Variants in ACSBG2 observed in about 807,000 individuals in gnomAD.
The protein encoded by ACSBG2 is long-chain-fatty-acid--CoA ligase ACSBG2.
In ACSBG2, 62 loss-of-function variants were observed where a neutral mutation model predicts 74.7. That is an observed-to-expected ratio of 0.83 (90% CI 0.68 to 1.03). The LOEUF is 1.03. ACSBG2 is among the 50% of genes least tolerant of loss of function. ACSBG2 has a pLI of 0.00. For synonymous variants in ACSBG2, 309 were observed against 294.1 expected (o/e 1.05, Z -0.52); for missense variants, 730 against 817.6 (o/e 0.89, Z 1.31).
At chr19:6,172,594 T>C (rs945269072) in intron 7 of ACSBG2, among the ~76,000 whole-genome samples, 5 of 152,192 alleles carry the variant, frequency 3.3e-5, no homozygotes, top group Non-Finnish European at 1.5e-5. Flanking sequence ...ATGCAGTGGC[T>C]TTCTCAGATG....
chr19:6,181,751 C>G lies in ACSBG2; in HGVS notation c.907-1000C>G, dbSNP rs142149099. On this transcript the variant is annotated intron_variant, in intron 8 of 14. Coordinates refer to ENST00000588485, the MANE Select transcript of ACSBG2 (RefSeq NM_030924.5). The stretch of plus-strand genomic sequence containing the variant: ...GTTTGGTGAGAAATAAGGCTCTAAC[C>G]CTAAATTTTGTGGAAGCGTTTGTTT... Among the ~76,000 whole-genome samples, 1,316 of 150,716 alleles carry G rather than the reference C, an allele frequency of 8.7e-3. 72 individuals carry two copies. Among genetic ancestry groups the G allele is most frequent in the Admixed American group, 0.082 (1,215 of 14,894 alleles).
intron 3 of ACSBG2, among the ~76,000 whole-genome samples, chr19:6,148,711 T>C (rs1346741118): frequency 1.3e-5 from 2 of 151,906 alleles, no homozygotes; most frequent in Admixed American, 1.3e-4. Flanking sequence ...CCCACCTTCA[T>C]ACTATGTTGC....
chr19:6,137,189 G>A (rs1399907207), intron 1 of ACSBG2: 1 of 144,066 alleles, frequency 6.9e-6, no homozygotes, highest in East Asian at 2.0e-4. Flanking sequence ...CAGCACTTTG[G>A]GAGGCCGAGG....
intron 6 of ACSBG2, among the ~76,000 whole-genome samples, chr19:6,164,416 T>C (rs2089730119): frequency 6.6e-6 from 1 of 150,782 alleles, no homozygotes; most frequent in African/African-American, 2.4e-5. Flanking sequence ...TGGCCATCTG[T>C]AGAGGACTTT....
chr19:6,139,557 A>G (rs1269545624), intron 1 of ACSBG2, among the ~76,000 whole-genome samples: 1 of 152,230 alleles, frequency 6.6e-6, no homozygotes, highest in African/African-American at 2.4e-5. Context: ...GGAAACTTTT[A>G]GAGTTCATAA....
At chr19:6,189,146 T>C (rs1457199827) in intron 13 of ACSBG2, among the ~76,000 whole-genome samples, 3 of 152,108 alleles carry the variant, frequency 2.0e-5, no homozygotes, top group Non-Finnish European at 4.4e-5. Flanking sequence ...TCTTCTCTGA[T>C]TAATATTATA....
chr19:6,178,845 G>A (rs574675049), intron 8 of ACSBG2, among the ~76,000 whole-genome samples: 7 of 151,974 alleles, frequency 4.6e-5, no homozygotes, highest in African/African-American at 1.5e-4. Flanking sequence ...AGGATAGGCT[G>A]GGGGAAAAAA....
At chr19:6,158,417 G>A (rs1204253510) in intron 5 of ACSBG2, among the ~76,000 whole-genome samples, 1 of 149,902 alleles carries the variant, frequency 6.7e-6, no homozygotes, top group Non-Finnish European at 1.5e-5. Flanking sequence ...TTTGTGTACA[G>A]TGAAATTTAG....
chr19:6,167,913 C>T (rs1185081578), intron 7 of ACSBG2, among the ~76,000 whole-genome samples: 1 of 152,112 alleles, frequency 6.6e-6, no homozygotes, highest in Admixed American at 6.5e-5. Flanking sequence ...TCATCGCTCC[C>T]CTGGACCTGT....
intron 8 of ACSBG2, among the ~76,000 whole-genome samples, chr19:6,178,224 C>T (rs1437306646): frequency 2.6e-5 from 4 of 151,948 alleles, no homozygotes; most frequent in Non-Finnish European, 4.4e-5. Flanking sequence ...CATATGATTC[C>T]ACTTCCTGCT....
Position 6,141,601 on chromosome 19 carries a change from A to G in ACSBG2, c.58A>G (p.Lys20Glu), listed in dbSNP as rs752638387. 1.9e-6 allele frequency: 3 copies of G among 1,600,502 alleles called. No individual in the cohort carries two copies. The highest frequency in any genetic ancestry group is 2.6e-6 in the Non-Finnish European group (3 of 1,167,540). Residue 20 changes from lysine to glutamate, a missense_variant, in exon 2 of 15, where the codon AAA becomes GAA. Lys to Glu is a moderately conservative substitution (Grantham distance 56). Coordinates refer to ENST00000588485, the MANE Select transcript of ACSBG2 (RefSeq NM_030924.5). Reference protein sequence around the residue: ...GAKDLEVDMNKTEVTPRLWTT... With the variant: ...GAKDLEVDMNETEVTPRLWTT... ...TAAAGATCTTGAAGTAGACATGAAT[A>G]AAACAGAAGGTATATTGCACTAAAG... is the stretch of plus-strand genomic sequence containing the variant.
chr19:6,182,740 G>A lies in ACSBG2; in HGVS notation c.907-11G>A, dbSNP rs759549699. On this transcript the variant is annotated splice_polypyrimidine_tract_variant and intron_variant, in intron 8 of 14. Coordinates refer to ENST00000588485, the MANE Select transcript of ACSBG2 (RefSeq NM_030924.5). ...GCCCTGCTGTGGCTAACCTAGCTTCGTTCCATACAGGGCACCTTGGTAAGT... is the reference window on the plus strand; with the variant it reads ...GCCCTGCTGTGGCTAACCTAGCTTCATTCCATACAGGGCACCTTGGTAAGT... 2.5e-5 allele frequency: 41 copies of A among 1,612,804 alleles called. No individual in the cohort carries two copies. Among genetic ancestry groups the A allele is most frequent in the East Asian group, 4.5e-5 (2 of 44,874 alleles).
chr19:6,135,956 T>G (rs2144960060), intron 1 of ACSBG2, 47 bp downstream of exon 1: 1 of 152,680 alleles, frequency 6.5e-6, no homozygotes, highest in Non-Finnish European at 1.5e-5. Context: ...TTCTTTTTTT[T>G]TTGAGACAGG....
At chr19:6,150,314 C>A in intron 3 of ACSBG2, among the ~76,000 whole-genome samples, 1 of 135,024 alleles carries the variant, frequency 7.4e-6, no homozygotes, top group African/African-American at 2.8e-5. Context: ...CCATATGATT[C>A]AGCAGTCTCA....
At position 6,182,846 on chromosome 19, in the gene ACSBG2, T is replaced by C. The variant is rs1456819834; in HGVS notation, c.1002T>C (p.Asn334=). 49 of 1,613,964 alleles carry C rather than the reference T, an allele frequency of 3.0e-5. 1 individual carries two copies. Among genetic ancestry groups the C allele is most frequent in the Non-Finnish European group, 3.8e-5 (45 of 1,180,006 alleles). The change falls in exon 9 of 15, where the codon AAT becomes AAC. Residue 334 remains asparagine, a synonymous_variant. Transcript: ENST00000588485. The part of the protein sequence containing the change: ...WEKIHEMVKK[N]SAKSMGLKKK... Reference sequence around the variant, plus strand: ...AGATACATGAGATGGTGAAGAAAAATAGTGCCAAGTCCATGGGCTTGAAGA... The same window carrying C: ...AGATACATGAGATGGTGAAGAAAAACAGTGCCAAGTCCATGGGCTTGAAGA...
intron 1 of ACSBG2, among the ~76,000 whole-genome samples, chr19:6,137,591 T>C (rs1568211611): frequency 6.6e-6 from 1 of 152,038 alleles, no homozygotes; most frequent in East Asian, 1.9e-4. Flanking sequence ...AGAGACAGGG[T>C]TGGGCCAGCA....
rs2090596187 is a variant in ACSBG2 at position 6,192,659 on chromosome 19, T to G, written c.*36-9T>G. The G allele has an allele frequency of 6.6e-6, 1 of 152,216 alleles. No homozygotes were observed. The highest frequency in any genetic ancestry group is 1.5e-5 in the Non-Finnish European group (1 of 68,050). The allele number at this position is 152,216 out of a possible 1,614,324, so 9.4% of individuals were successfully genotyped here. Reference sequence around the variant, plus strand: ...CCCATGTGATAACTTGTGTTTCTCCTCTTTGCAGCCTTCAGCAGGAAGACC... The same window carrying G: ...CCCATGTGATAACTTGTGTTTCTCCGCTTTGCAGCCTTCAGCAGGAAGACC... On this transcript the variant is annotated splice_polypyrimidine_tract_variant and intron_variant, in intron 14 of 14. Coordinates refer to ENST00000588485, the MANE Select transcript of ACSBG2 (RefSeq NM_030924.5).
At chr19:6,186,995 C>A (rs1056192437) in intron 11 of ACSBG2, among the ~76,000 whole-genome samples, 1 of 149,934 alleles carries the variant, frequency 6.7e-6, no homozygotes. Flanking sequence ...CTGTGCCTGG[C>A]CACTAGGTTT....
At chr19:6,161,098 T>TCAA (rs2089594477) in intron 5 of ACSBG2, 117 bp from the exon 6 acceptor site, 6 of 426,862 alleles carry the variant, frequency 1.4e-5, no homozygotes, top group South Asian at 9.0e-5. Flanking sequence ...AGACTGTGTC[T>TCAA]CAAAAAAAAA....
Sources: allele counts gnomAD v4.1 joint callset (sites outside exome capture counted in the v4.1 genomes callset), GRCh38; gene constraint gnomAD v4.1.1; transcripts MANE v1.5; gene names NCBI Gene and HGNC (gene_info 2026-07-23, HGNC 2026-07-21).